ATF7IP2: variants seen among roughly 807,000 people sequenced by gnomAD.
The protein encoded by ATF7IP2 is activating transcription factor 7-interacting protein 2.
A neutral mutation model predicts 64.2 loss-of-function variants in ATF7IP2; 42 were observed. The ratio of observed to expected loss-of-function variants is 0.65; its 90% confidence interval spans 0.51 to 0.85. ATF7IP2 has a LOEUF of 0.85. ATF7IP2 is among the 40% of genes least tolerant of loss of function. The probability of loss-of-function intolerance (pLI) is 0.00; values close to 1 mark genes in which losing one functional copy is unlikely to be tolerated. For synonymous variants in ATF7IP2, 308 were observed against 272.8 expected (o/e 1.13, Z -1.27); for missense variants, 933 against 784.2 (o/e 1.19, Z -2.27).
At chr16:10,440,306 C>G in intron 7 of ATF7IP2, 58 bp from the exon 8 acceptor site, 1 of 808,714 alleles carries the variant, frequency 1.2e-6, no homozygotes, top group Non-Finnish European at 1.9e-6. Flanking sequence ...TACCCTCTAT[C>G]TCTATGTGAT....
At chr16:10,424,968 A>T (rs911710796) in intron 3 of ATF7IP2, among the ~76,000 whole-genome samples, 1 of 152,208 alleles carries the variant, frequency 6.6e-6, no homozygotes, top group African/African-American at 2.4e-5. Context: ...CACATGACCA[A>T]ATAATTCTAC....
chr16:10,474,409 C>T (rs1049770927), intron 12 of ATF7IP2, among the ~76,000 whole-genome samples: 1 of 152,134 alleles, frequency 6.6e-6, no homozygotes, highest in Admixed American at 6.5e-5. Flanking sequence ...TTCATAAACC[C>T]ATTGAAAGAC....
chr16:10,396,904 C>T (rs1287093619), intron 1 of ATF7IP2, among the ~76,000 whole-genome samples: 1 of 152,064 alleles, frequency 6.6e-6, no homozygotes, highest in Non-Finnish European at 1.5e-5. Context: ...TGGGCTCAAG[C>T]AGTCCTCCTG....
intron 2 of ATF7IP2, among the ~76,000 whole-genome samples, chr16:10,416,864 A>G (rs959233025): frequency 6.6e-5 from 10 of 152,238 alleles, no homozygotes; most frequent in African/African-American, 2.4e-4. Flanking sequence ...CTGGGTGACT[A>G]TAGTCATCAA....
chr16:10,429,991 T>C (rs1015854449), intron 4 of ATF7IP2, among the ~76,000 whole-genome samples: 4 of 151,810 alleles, frequency 2.6e-5, no homozygotes, highest in African/African-American at 7.3e-5. Flanking sequence ...TAGCTTGGGA[T>C]TACAGGTGCA....
At position 10,430,693 on chromosome 16, in the gene ATF7IP2, C is replaced by G. The variant is rs764601461; in HGVS notation, c.73C>G (p.Gln25Glu). The G allele has an allele frequency of 2.8e-5, 45 of 1,613,886 alleles. No individual in the cohort carries two copies. The South Asian group carries it at 4.4e-4, about 16-fold the overall frequency. Residue 25 changes from glutamine to glutamate, a missense_variant, in exon 5 of 14, where the codon CAA becomes GAA. Physicochemically the swap from Gln to Glu is conservative, Grantham distance 29. Transcript: ENST00000562102. ...GACAATGCCCCTAAGTTGCCGGAAG[C>G]AAGTAGAGATGCTGAATAAGTCAAG... is the stretch of plus-strand genomic sequence containing the variant. ...KKTMPLSCRK[Q>E]VEMLNKSRNV...
rs186766761 is a variant in ATF7IP2 at position 10,438,959 on chromosome 16, A to G, written c.1095+724A>G. Among the ~76,000 whole-genome samples, 355 of 150,878 alleles carry G rather than the reference A, an allele frequency of 2.4e-3. 1 individual carries two copies. The highest frequency in any genetic ancestry group is 8.2e-3 in the African/African-American group (337 of 41,132). ...TCCCAGCTACTCAGGAGGCTGAGGC[A>G]GGAGAATTGCTTGAACCAAGGAGGC... On this transcript the variant is annotated intron_variant, in intron 7 of 13. Transcript: ENST00000562102.
At chr16:10,422,828 C>G (rs941705088) in intron 3 of ATF7IP2, among the ~76,000 whole-genome samples, 4 of 152,234 alleles carry the variant, frequency 2.6e-5, no homozygotes. Flanking sequence ...ATGGCACAAT[C>G]AGGAGCTGCG....
chr16:10,451,944 T>G (rs539461579), intron 8 of ATF7IP2, among the ~76,000 whole-genome samples: 1 of 152,016 alleles, frequency 6.6e-6, no homozygotes, highest in Admixed American at 6.5e-5. Flanking sequence ...TCCCAGCTAC[T>G]CAGGAGGCTA....
intron 1 of ATF7IP2, among the ~76,000 whole-genome samples, chr16:10,397,106 T>C (rs1342782470): frequency 6.6e-6 from 1 of 152,246 alleles, no homozygotes; most frequent in Admixed American, 6.5e-5. Flanking sequence ...ATTGTATGTT[T>C]TGCCATTTGG....
At chr16:10,447,228 G>C (rs988607971) in intron 8 of ATF7IP2, 2 of 152,234 alleles carry the variant, frequency 1.3e-5, no homozygotes, top group East Asian at 1.9e-4. Flanking sequence ...TCTTACCTTG[G>C]TCTGTGCACA....
At chr16:10,396,922 C>G (rs937120683) in intron 1 of ATF7IP2, among the ~76,000 whole-genome samples, 1 of 152,092 alleles carries the variant, frequency 6.6e-6, no homozygotes. Context: ...CTGCTTTGAC[C>G]TCCCAAAGTG....
chr16:10,423,895 G>A (rs1411895613), intron 3 of ATF7IP2, among the ~76,000 whole-genome samples: 2 of 152,130 alleles, frequency 1.3e-5, no homozygotes, highest in Admixed American at 1.3e-4. Context: ...CTCCAGCGTA[G>A]TTCCATGTTC....
chr16:10,430,007 C>T (rs1596486943), intron 4 of ATF7IP2, among the ~76,000 whole-genome samples: 1 of 151,704 alleles, frequency 6.6e-6, no homozygotes, highest in African/African-American at 2.4e-5. Flanking sequence ...GTGCATGCCA[C>T]CATGCCTGGC....
In ATF7IP2 at chr16:10,482,358, T is replaced by G; in HGVS notation, c.*109T>G. 2.5e-6 allele frequency: 2 copies of G among 795,496 alleles called. No individual in the cohort carries two copies. Among genetic ancestry groups the G allele is most frequent in the Non-Finnish European group, 2.0e-6 (1 of 506,424 alleles). The allele number at this position is 795,496 out of a possible 1,614,324, so 49.3% of individuals were successfully genotyped here. On this transcript the variant is annotated 3_prime_UTR_variant, in exon 14 of 14. Transcript: ENST00000562102. ...AGGCCAGCTCAGATTGTGAGCCCTTTCTATTGGGACAGTCCTCTTCTATAT... is the reference window on the plus strand; with the variant it reads ...AGGCCAGCTCAGATTGTGAGCCCTTGCTATTGGGACAGTCCTCTTCTATAT...
rs2048327580 is a variant in ATF7IP2, at chr16:10,433,655, A to T, written c.960+6A>T. On this transcript the variant is annotated splice_donor_region_variant and intron_variant, in intron 6 of 13. Coordinates refer to ENST00000562102, the MANE Select transcript of ATF7IP2 (RefSeq NM_001393719.1). ...AAACAGCATTCCTGGAACAGGTAAA[A>T]TATTGGGGCTTAAATGGAACTTTTA... 3.1e-6 allele frequency: 5 copies of T among 1,612,322 alleles called. No homozygotes were observed. The highest frequency in any genetic ancestry group is 4.2e-6 in the Non-Finnish European group (5 of 1,179,238).
At chr16:10,396,857 A>C (rs907792275) in intron 1 of ATF7IP2, among the ~76,000 whole-genome samples, 2 of 151,962 alleles carry the variant, frequency 1.3e-5, no homozygotes, top group Non-Finnish European at 2.9e-5. Flanking sequence ...TGTAGTGACA[A>C]GATTTCCTTG....
At chr16:10,410,749 T>C (rs946628926) in intron 1 of ATF7IP2, among the ~76,000 whole-genome samples, 8 of 152,338 alleles carry the variant, frequency 5.3e-5, no homozygotes, top group Admixed American at 3.9e-4. Context: ...TTAATTGCCA[T>C]GTCAATCTCA....
chr16:10,472,805 G>C (rs1235731409), intron 10 of ATF7IP2, among the ~76,000 whole-genome samples: 2 of 148,274 alleles, frequency 1.3e-5, no homozygotes, highest in Non-Finnish European at 3.0e-5. Flanking sequence ...GCAGTGAGCT[G>C]AGATCGTGCT....
Sources: allele counts gnomAD v4.1 joint callset (sites outside exome capture counted in the v4.1 genomes callset), GRCh38; gene constraint gnomAD v4.1.1; transcripts MANE v1.5; gene names NCBI Gene and HGNC (gene_info 2026-07-23, HGNC 2026-07-21).